MAP3K6: variants seen among roughly 807,000 people sequenced by gnomAD.
MAP3K6 encodes the protein apoptosis signal-regulating kinase 2.
In MAP3K6, 105 loss-of-function variants were observed where a neutral mutation model predicts 147.1. The ratio of observed to expected loss-of-function variants is 0.71; its 90% CI spans 0.61 to 0.84. The LOEUF (loss-of-function observed/expected upper bound fraction) is 0.84, where lower values mean the gene tolerates loss of function less well. Ranked by LOEUF, MAP3K6 falls within the 40% of genes least tolerant of loss-of-function variation. MAP3K6 has a pLI of 0.00. For synonymous variants in MAP3K6, 695 were observed against 732.4 expected (o/e 0.95, Z 0.82); for missense variants, 1,569 against 1,715.0 (o/e 0.91, Z 1.50).
Position 27,355,716 on chromosome 1 carries a change from A to T in MAP3K6, c.3741T>A (p.Thr1247=). 6.2e-7 allele frequency: 1 copy of T among 1,614,002 alleles called. No homozygotes were observed. Residue 1247 remains threonine (T), a synonymous_variant, in exon 28 of 29, where the codon ACT becomes ACA. Transcript: ENST00000357582. ...MLLNHSFTLH[T]LLTYATRDDL... ...CATCTCGAGTGGCATAGGTGAGCAG[A>T]GTGTGGAGGGTGAAGCTATGGTTCA...
At position 27,360,303 on chromosome 1, in the gene MAP3K6, C is replaced by A; in HGVS notation, c.2120G>T (p.Arg707Leu). ...HRRLRHKNIV[R>L]YLGSASQGGY... Reference sequence around the variant, plus strand: ...GCCCTGGCTAGCTGAGCCCAGATAGCGCACTATGTTCTTGTGGCGCAGGCG... The same window carrying A: ...GCCCTGGCTAGCTGAGCCCAGATAGAGCACTATGTTCTTGTGGCGCAGGCG... The change falls in exon 16 of 29, where the codon CGC (arginine) becomes CTC (leucine). Residue 707 changes from arginine (R) to leucine (L), a missense_variant. Transcript: ENST00000357582. This position sits in a 1 kb window ranked among gnomAD's most constrained non-coding sequence, Gnocchi z 4.5. 6.2e-7 allele frequency: 1 copy of A among 1,614,078 alleles called. No homozygotes were observed. The highest frequency in any genetic ancestry group is 8.5e-7 in the Non-Finnish European group (1 of 1,179,994).
intron 5 of MAP3K6, 148 bp from the exon 6 acceptor site, chr1:27,363,696 G>T: frequency 1.3e-6 from 1 of 782,538 alleles, no homozygotes; most frequent in Non-Finnish European, 2.0e-6. Context: ...CTCACAGGGA[G>T]AACCTACTGT....
Position 27,355,652 on chromosome 1 carries a change from G to T in MAP3K6, c.3788+17C>A. 1 of 1,613,132 alleles carries T rather than the reference G, an allele frequency of 6.2e-7. No homozygotes were observed. The highest frequency in any genetic ancestry group is 8.5e-7 in the Non-Finnish European group (1 of 1,179,822). ...AGGCCATATGCATGGTTCACACTTG[G>T]GGGGCCCAGGATGTACCTGATGCGG... On this transcript the variant is annotated intron_variant, in intron 28 of 28. Transcript: ENST00000357582.
In MAP3K6 at chr1:27,358,117, T is replaced by C; in HGVS notation, c.2915+64A>G. The C allele has an allele frequency of 6.6e-7, 1 of 1,525,308 alleles. No individual in the cohort carries two copies. The highest frequency in any genetic ancestry group is 8.8e-7 in the Non-Finnish European group (1 of 1,140,180). The allele number at this position is 1,525,308 out of a possible 1,614,324, so 94.5% of individuals were successfully genotyped here. On this transcript the variant is annotated intron_variant, in intron 21 of 28. Coordinates refer to ENST00000357582, the MANE Select transcript of MAP3K6 (RefSeq NM_004672.5). The surrounding 1 kb of genome is among the most constrained non-coding windows in gnomAD (Gnocchi z 6.2). ...TGCCCAGGTCCCCAGGGAGGGCTTT[T>C]GTAGGAGAGGAGAAAAAGGCAAAAC...
chr1:27,363,646 A>T, intron 5 of MAP3K6, 98 bp from the exon 6 acceptor site: 1 of 966,350 alleles, frequency 1.0e-6, no homozygotes, highest in South Asian at 1.7e-5. Flanking sequence ...CCACCCAGCC[A>T]CCATCTTCTG....
chr1:27,361,520 C>T lies in MAP3K6; in HGVS notation c.1686G>A (p.Gln562=), dbSNP rs773530485. Residue 562 remains glutamine, a splice_region_variant and synonymous_variant, in exon 11 of 29, where the codon CAG becomes CAA. Transcript: ENST00000357582. ...TGAGGGGCCTCAGCAGCGACTTCACCTGGGTCTCAGGCTCCAGCAGGCTCA... is the reference window on the plus strand; with the variant it reads ...TGAGGGGCCTCAGCAGCGACTTCACTTGGGTCTCAGGCTCCAGCAGGCTCA... The part of the protein sequence containing the change: ...VTLSLLEPET[Q]DIPSSWTFPV... 7.4e-6 allele frequency: 12 copies of T among 1,614,018 alleles called. No homozygotes were observed. The highest frequency in any genetic ancestry group is 1.0e-5 in the Non-Finnish European group (12 of 1,180,008).
chr1:27,365,864 A>C lies in MAP3K6; in HGVS notation c.340+394T>G, dbSNP rs532800265. The stretch of plus-strand genomic sequence containing the variant: ...TAATTGTCCTCAAGAGATCCGCGTG[A>C]CATTCTCCTGAGGGTGAGGCTGAGT... On this transcript the variant is annotated intron_variant, in intron 1 of 28. Coordinates refer to ENST00000357582, the MANE Select transcript of MAP3K6 (RefSeq NM_004672.5). Among the ~76,000 whole-genome samples, 5 of 151,858 alleles carry C rather than the reference A, an allele frequency of 3.3e-5. No individual in the cohort carries two copies. The East Asian group carries it at 9.8e-4, about 30-fold the overall frequency.
rs2015771986 is a variant in MAP3K6 at position 27,361,565 on chromosome 1, G to T, written c.1641C>A (p.Asp547Glu). Residue 547 changes from aspartate to glutamate, a missense_variant, in exon 11 of 29, where the codon GAC (aspartate) becomes GAA (glutamate). Coordinates refer to ENST00000357582, the MANE Select transcript of MAP3K6 (RefSeq NM_004672.5). ...LPAKLEVRGT[D>E]PVSTVTLSLL... ...GGCTCAGGGTCACTGTGCTTACTGGGTCAGTACCCCGAACCTCGAGCTTTG... is the reference window on the plus strand; with the variant it reads ...GGCTCAGGGTCACTGTGCTTACTGGTTCAGTACCCCGAACCTCGAGCTTTG... The T allele has an allele frequency of 6.2e-7, 1 of 1,614,192 alleles. No individual in the cohort carries two copies. Among genetic ancestry groups the T allele is most frequent in the African/African-American group, 1.3e-5 (1 of 75,038 alleles).
chr1:27,358,683 A>G lies in MAP3K6; in HGVS notation c.2583+26T>C. The G allele has an allele frequency of 6.2e-7, 1 of 1,613,598 alleles. No homozygotes were observed. The highest frequency in any genetic ancestry group is 1.1e-5 in the South Asian group (1 of 91,082). On this transcript the variant is annotated intron_variant, in intron 19 of 28. Coordinates refer to ENST00000357582, the MANE Select transcript of MAP3K6 (RefSeq NM_004672.5). The surrounding 1 kb of genome is among the most constrained non-coding windows in gnomAD (Gnocchi z 6.2). Reference sequence around the variant, plus strand: ...CCCAGGCTGGCCCTATGCCACTTCCATGGGCCAGGCCCAAAGAGGTCTCAC... The same window carrying G: ...CCCAGGCTGGCCCTATGCCACTTCCGTGGGCCAGGCCCAAAGAGGTCTCAC...
chr1:27,355,867 C>A, intron 27 of MAP3K6, 122 bp from the exon 28 acceptor site: 1 of 1,146,892 alleles, frequency 8.7e-7, no homozygotes, highest in South Asian at 1.3e-5. Flanking sequence ...CCCTTCTGGG[C>A]CTCAGTTTTC....
rs1243831722 is a variant in MAP3K6, at chr1:27,357,126, G to C, written c.3259-12C>G. Reference sequence around the variant, plus strand: ...AGGATCTGCTTCACCTGCAGGGGGAGGGAGGCGCCGCTGAGACAGCTGAGC... The same window carrying C: ...AGGATCTGCTTCACCTGCAGGGGGACGGAGGCGCCGCTGAGACAGCTGAGC... On this transcript the variant is annotated splice_polypyrimidine_tract_variant and intron_variant, in intron 23 of 28. Transcript: ENST00000357582. 6.2e-7 allele frequency: 1 copy of C among 1,608,328 alleles called. No homozygotes were observed. The highest frequency in any genetic ancestry group is 8.5e-7 in the Non-Finnish European group (1 of 1,174,932).
In MAP3K6 at chr1:27,360,679, C is replaced by T. The variant is rs1486625740; in HGVS notation, c.2054+26G>A. ...CACTCGGCCCTCGCGAGCCCTCAGC[C>T]CCACCCGCGCTGCCACGCACCGCAC... On this transcript the variant is annotated intron_variant, in intron 15 of 28. Coordinates refer to ENST00000357582, the MANE Select transcript of MAP3K6 (RefSeq NM_004672.5). The surrounding 1 kb of genome is among the most constrained non-coding windows in gnomAD (Gnocchi z 4.5). 1.2e-6 allele frequency: 2 copies of T among 1,601,822 alleles called. No individual in the cohort carries two copies. The highest frequency in any genetic ancestry group is 3.4e-5 in the Admixed American group (2 of 59,424).
chr1:27,364,044 G>A lies in MAP3K6; in HGVS notation c.737C>T (p.Ala246Val), dbSNP rs779251785. 2.7e-5 allele frequency: 43 copies of A among 1,612,644 alleles called. 1 individual carries two copies. In the South Asian group the frequency reaches 3.0e-4, roughly 11 times the overall value. The stretch of plus-strand genomic sequence containing the variant: ...CTGTGGCCCACTGAACCGCTCCCGC[G>A]CCTGCCGGATGTCCCGCCGAATGGT... Reference protein sequence around the residue: ...RETIRRDIRQARERFSGPQLR... With the variant: ...RETIRRDIRQVRERFSGPQLR... The change falls in exon 5 of 29, where the codon GCG becomes GTG. Residue 246 changes from alanine (A) to valine (V), a missense_variant. Physicochemically the swap from Ala to Val is moderately conservative, Grantham distance 64. Transcript: ENST00000357582. This position sits in a 1 kb window ranked among gnomAD's most constrained non-coding sequence, Gnocchi z 4.4.
At position 27,359,999 on chromosome 1, in the gene MAP3K6, G is replaced by T. The variant is rs770570684; in HGVS notation, c.2183-5C>A. ...GCAGCAAGGAGGACAGGCTGCCTGGGTGGGGACAGTCCAAGTTCATTCTTC... is the reference window on the plus strand; with the variant it reads ...GCAGCAAGGAGGACAGGCTGCCTGGTTGGGGACAGTCCAAGTTCATTCTTC... On this transcript the variant is annotated splice_polypyrimidine_tract_variant and splice_region_variant and intron_variant, in intron 16 of 28. Coordinates refer to ENST00000357582, the MANE Select transcript of MAP3K6 (RefSeq NM_004672.5). This position sits in a 1 kb window ranked among gnomAD's most constrained non-coding sequence, Gnocchi z 4.4. 3 of 1,613,778 alleles carry T rather than the reference G, an allele frequency of 1.9e-6. No homozygotes were observed. The highest frequency in any genetic ancestry group is 2.5e-6 in the Non-Finnish European group (3 of 1,179,956).
Position 27,358,992 on chromosome 1 carries a change from A to C in MAP3K6, c.2426-126T>G. 1 of 936,400 alleles carries C rather than the reference A, an allele frequency of 1.1e-6. No homozygotes were observed. The highest frequency in any genetic ancestry group is 1.6e-6 in the Non-Finnish European group (1 of 629,698). The allele number at this position is 936,400 out of a possible 1,614,324, so 58.0% of individuals were successfully genotyped here. ...GAACCTATCATCCAAAATATACCTCAACACCTATCCTGGTCATCAAACATC... is the reference window on the plus strand; with the variant it reads ...GAACCTATCATCCAAAATATACCTCCACACCTATCCTGGTCATCAAACATC... On this transcript the variant is annotated intron_variant, in intron 18 of 28. Coordinates refer to ENST00000357582, the MANE Select transcript of MAP3K6 (RefSeq NM_004672.5). The surrounding 1 kb of genome is among the most constrained non-coding windows in gnomAD (Gnocchi z 6.2).
Position 27,356,751 on chromosome 1 carries a change from TG to T in MAP3K6, c.3365-3del, listed in dbSNP as rs1288060916. 1 of 1,547,936 alleles carries T rather than the reference TG, an allele frequency of 6.5e-7. No individual in the cohort carries two copies. The highest frequency in any genetic ancestry group is 8.7e-7 in the Non-Finnish European group (1 of 1,147,588). On this transcript the variant is annotated splice_region_variant and splice_polypyrimidine_tract_variant and intron_variant, in intron 24 of 28. Transcript: ENST00000357582. ...GTGAGACCGCCTCCTTCTCCACCTC[TG>T]CAGCCCAGTGCGGTGAACTCAGGCA...
rs777231211 is a variant in MAP3K6, at chr1:27,358,913, G to A, written c.2426-47C>T. On this transcript the variant is annotated intron_variant, in intron 18 of 28. Coordinates refer to ENST00000357582, the MANE Select transcript of MAP3K6 (RefSeq NM_004672.5). This position sits in a 1 kb window ranked among gnomAD's most constrained non-coding sequence, Gnocchi z 6.2. ...CAATGCCCATCTAGGCTTCATCATG[G>A]GGTTGGAGCAGGGAGGGGAATGCCG... 3.9e-6 allele frequency: 6 copies of A among 1,524,274 alleles called. No homozygotes were observed. The African/African-American group carries it at 8.3e-5, about 21-fold the overall frequency. The allele number at this position is 1,524,274 out of a possible 1,614,324, so 94.4% of individuals were successfully genotyped here.
At position 27,366,223 on chromosome 1, in the gene MAP3K6, C is replaced by T; in HGVS notation, c.340+35G>A. Reference sequence around the variant, plus strand: ...TGGTCCCCTCCCAGGACCCTGAGTCCCGCCCGGATCCGGCCCCGCCCCCAG... The same window carrying T: ...TGGTCCCCTCCCAGGACCCTGAGTCTCGCCCGGATCCGGCCCCGCCCCCAG... On this transcript the variant is annotated intron_variant, in intron 1 of 28. Coordinates refer to ENST00000357582, the MANE Select transcript of MAP3K6 (RefSeq NM_004672.5). The surrounding 1 kb of genome is among the most constrained non-coding windows in gnomAD (Gnocchi z 5.5). 1 of 1,287,558 alleles carries T rather than the reference C, an allele frequency of 7.8e-7. No individual in the cohort carries two copies. Among genetic ancestry groups the T allele is most frequent in the Non-Finnish European group, 9.8e-7 (1 of 1,018,848 alleles). 79.8% of individuals were successfully genotyped at this position (1,287,558 alleles called of 1,614,324 possible).
At chr1:27,365,131 C>T (rs2015930478) in intron 1 of MAP3K6, among the ~76,000 whole-genome samples, 1 of 152,162 alleles carries the variant, frequency 6.6e-6, no homozygotes, top group South Asian at 2.1e-4. Context: ...GGTTGGGACC[C>T]TCAGGCCACG....
Sources: gnomAD v4.1 joint callset for allele counts (sites outside exome capture counted in the v4.1 genomes callset) on GRCh38, gnomAD v4.1.1 for gene constraint, Gnocchi (gnomAD v3.1) non-coding constraint, MANE v1.5 for transcripts, NCBI Gene and HGNC (gene_info 2026-07-23, HGNC 2026-07-21) for gene names.